Variants in OSBPL5 observed in about 807,000 individuals in gnomAD.
OSBPL5 encodes oxysterol binding protein like 5.
Under a neutral mutation model 111.2 loss-of-function variants are expected in OSBPL5, and 71 were observed. That is an observed-to-expected ratio of 0.64 (90% CI 0.53 to 0.78). OSBPL5 has a LOEUF of 0.78. Ranked by LOEUF, OSBPL5 falls within the 30% of genes least tolerant of loss-of-function variation. The pLI is 0.00. For missense variants in OSBPL5, 1,210 were observed against 1,189.3 expected, an observed-to-expected ratio of 1.02 and a Z score of -0.26; for synonymous variants, 549 against 513.9, an observed-to-expected ratio of 1.07 and a Z score of -0.93.
At chr11:3,133,345 G>A (rs1394117112) in intron 1 of OSBPL5, among the ~76,000 whole-genome samples, 1 of 152,244 alleles carries the variant, frequency 6.6e-6, no homozygotes, top group Non-Finnish European at 1.5e-5. Flanking sequence ...AAACAGACAC[G>A]CTGGCTGAGG....
intron 1 of OSBPL5, among the ~76,000 whole-genome samples, chr11:3,133,982 T>TC (rs555365902): frequency 2.3e-5 from 3 of 129,286 alleles, no homozygotes; most frequent in Non-Finnish European, 5.0e-5. Context: ...CGGGGCTTGG[T>TC]GGGGGGGGGG....
intron 14 of OSBPL5, 69 bp downstream of exon 14, chr11:3,100,089 G>A (rs1857400132): frequency 1.4e-6 from 2 of 1,384,182 alleles, no homozygotes. Context: ...AATAACCAAA[G>A]GGTTTTAGCA....
In OSBPL5 at chr11:3,142,227, G is replaced by T. The variant is rs901490761; in HGVS notation, c.-21-13058C>A. On this transcript the variant is annotated intron_variant, in intron 1 of 21. Coordinates refer to ENST00000263650, the MANE Select transcript of OSBPL5 (RefSeq NM_020896.4). This position sits in a 1 kb window ranked among gnomAD's most constrained non-coding sequence, Gnocchi z 7.1. ...AGCCACCGTGCCCGGCCGACAGCTG[G>T]TTTCTGAGGCCAAGAGAAGAAGCTG... Among the ~76,000 whole-genome samples the T allele has an allele frequency of 1.3e-5, 2 of 152,238 alleles. No homozygotes were observed. Among genetic ancestry groups the T allele is most frequent in the Non-Finnish European group, 2.9e-5 (2 of 68,040 alleles).
intron 1 of OSBPL5, among the ~76,000 whole-genome samples, chr11:3,134,327 T>A (rs1331785212): frequency 6.6e-6 from 1 of 152,114 alleles, no homozygotes; most frequent in East Asian, 1.9e-4. Flanking sequence ...CGACTTCCAT[T>A]GTTGGGGGTT....
At chr11:3,155,628 C>T (rs1846735346) in intron 1 of OSBPL5, among the ~76,000 whole-genome samples, 1 of 144,076 alleles carries the variant, frequency 6.9e-6, no homozygotes, top group African/African-American at 2.6e-5. Context: ...AGGTCTGCCA[C>T]TCACTCACCC....
rs112904220 is a variant in OSBPL5 at position 3,092,609 on chromosome 11, G to A, written c.2133-51C>T. On this transcript the variant is annotated intron_variant, in intron 18 of 21. Coordinates refer to ENST00000263650, the MANE Select transcript of OSBPL5 (RefSeq NM_020896.4). The surrounding 1 kb of genome is among the most constrained non-coding windows in gnomAD (Gnocchi z 5.4). ...AGCACAGGCAGTGGCCCTCAGGTGA[G>A]GGGGCTGTCCTGGCCCAGTCTTCAG... 5.0e-4 allele frequency: 762 copies of A among 1,517,916 alleles called. 3 individuals are homozygous for A. In the African/African-American group the frequency reaches 9.2e-3, roughly 18 times the overall value. 94.0% of individuals were successfully genotyped at this position (1,517,916 alleles called of 1,614,324 possible).
In OSBPL5 at chr11:3,110,116, A is replaced by G. The variant is rs1194006700; in HGVS notation, c.692-2171T>C. Among the ~76,000 whole-genome samples the G allele has an allele frequency of 1.3e-5, 2 of 152,166 alleles. No homozygotes were observed. Among genetic ancestry groups the G allele is most frequent in the Non-Finnish European group, 2.9e-5 (2 of 68,028 alleles). On this transcript the variant is annotated intron_variant, in intron 7 of 21. Transcript: ENST00000263650. The surrounding 1 kb of genome is among the most constrained non-coding windows in gnomAD (Gnocchi z 5.3). The stretch of plus-strand genomic sequence containing the variant: ...GCCCAGGAAGGAGCATGGATGTGGC[A>G]TCTGACCACCAGGGGTGATGTGGCA...
chr11:3,153,511 G>A (rs1479813324), intron 1 of OSBPL5, among the ~76,000 whole-genome samples: 2 of 152,152 alleles, frequency 1.3e-5, no homozygotes, highest in African/African-American at 4.8e-5. Context: ...ACAAATTCCT[G>A]GGGCTATTCC....
In OSBPL5 at chr11:3,119,527, G is replaced by T; in HGVS notation, c.691+20C>A. ...TCAGGTGGGGGCACTGGGGAGATGCGCAAGCTGGCAGGGACTCACCATCTG... is the reference window on the plus strand; with the variant it reads ...TCAGGTGGGGGCACTGGGGAGATGCTCAAGCTGGCAGGGACTCACCATCTG... On this transcript the variant is annotated intron_variant, in intron 7 of 21. Coordinates refer to ENST00000263650, the MANE Select transcript of OSBPL5 (RefSeq NM_020896.4). 6.4e-7 allele frequency: 1 copy of T among 1,561,798 alleles called. No homozygotes were observed.
rs996401169 is a variant in OSBPL5, at chr11:3,140,531, G to A, written c.-21-11362C>T. On this transcript the variant is annotated intron_variant, in intron 1 of 21. Transcript: ENST00000263650. The surrounding 1 kb of genome is among the most constrained non-coding windows in gnomAD (Gnocchi z 4.5). ...CCCACTTTCAACACTCCGTGAGCACGCAGGGCCTCCCCCAGCAGAGAGGGG... is the reference window on the plus strand; with the variant it reads ...CCCACTTTCAACACTCCGTGAGCACACAGGGCCTCCCCCAGCAGAGAGGGG... 6.6e-6 allele frequency among the ~76,000 whole-genome samples: 1 copy of A among 152,120 alleles called. No individual in the cohort carries two copies. The highest frequency in any genetic ancestry group is 1.5e-5 in the Non-Finnish European group (1 of 67,998).
rs1380367221 is a variant in OSBPL5 at position 3,154,140 on chromosome 11, G to C, written c.-22+11076C>G. Among the ~76,000 whole-genome samples the C allele has an allele frequency of 6.6e-6, 1 of 152,244 alleles. No individual in the cohort carries two copies. Among genetic ancestry groups the C allele is most frequent in the South Asian group, 2.1e-4 (1 of 4,836 alleles). ...GGAAAGGCCCCGTGTGGTGTCCAGAGAGCTGCTGTAGGAGGTGTTTGCTAG... is the reference window on the plus strand; with the variant it reads ...GGAAAGGCCCCGTGTGGTGTCCAGACAGCTGCTGTAGGAGGTGTTTGCTAG... On this transcript the variant is annotated intron_variant, in intron 1 of 21. Transcript: ENST00000263650. This position sits in a 1 kb window ranked among gnomAD's most constrained non-coding sequence, Gnocchi z 4.9.
rs373648427 is a variant in OSBPL5, at chr11:3,133,313, AAAG to A, written c.-21-4147_-21-4145del. Among the ~76,000 whole-genome samples, 493 of 152,338 alleles carry A rather than the reference AAAG, an allele frequency of 3.2e-3. 1 individual carries two copies. The highest frequency in any genetic ancestry group is 0.011 in the African/African-American group (467 of 41,574). ...CCCCCATGAGGGGAGGGAGAGAAGG[AAAG>A]AAGGATGGGTCGACAAGGAAACAGA... is the stretch of plus-strand genomic sequence containing the variant. On this transcript the variant is annotated intron_variant, in intron 1 of 21. Transcript: ENST00000263650.
At chr11:3,151,023 G>A (rs541261346) in intron 1 of OSBPL5, among the ~76,000 whole-genome samples, 26 of 152,290 alleles carry the variant, frequency 1.7e-4, no homozygotes, top group African/African-American at 6.3e-4. Context: ...CTTGGAAAGA[G>A]GGTCACTGTA....
chr11:3,122,472 G>C (rs745524054), intron 3 of OSBPL5, 44 bp from the exon 4 acceptor site: 1 of 1,587,434 alleles, frequency 6.3e-7, no homozygotes, highest in Non-Finnish European at 8.6e-7. Flanking sequence ...ACAGGGGCCG[G>C]CCCAGGGCTA....
intron 11 of OSBPL5, among the ~76,000 whole-genome samples, chr11:3,102,793 C>G (rs1857502798): frequency 6.6e-6 from 1 of 152,196 alleles, no homozygotes; most frequent in Non-Finnish European, 1.5e-5. Flanking sequence ...GGCCCTCTTG[C>G]TCACTACAAC....
chr11:3,148,098 G>A (rs1404593694), intron 1 of OSBPL5, among the ~76,000 whole-genome samples: 3 of 152,196 alleles, frequency 2.0e-5, no homozygotes, highest in East Asian at 1.9e-4. Context: ...CCCAGTGCCC[G>A]AACATGGAGT....
In OSBPL5 at chr11:3,103,819, CGCAGCCCCCTTCCAGCCTCT is replaced by C. The variant is rs1228791581; in HGVS notation, c.1244+354_1244+373del. Among the ~76,000 whole-genome samples, 3 of 44,010 alleles carry C rather than the reference CGCAGCCCCCTTCCAGCCTCT, an allele frequency of 6.8e-5. 1 individual carries two copies. In the East Asian group the frequency reaches 5.7e-3, roughly 83 times the overall value. 28.9% of individuals were successfully genotyped at this position (44,010 alleles called of 152,430 possible). On this transcript the variant is annotated intron_variant, in intron 10 of 21. Transcript: ENST00000263650. ...GCCTCTGCAGCCCTCTTCCTGCCTGCGCAGCCCCCTTCCAGCCTCTGCAGCCCCTTTCCAGTCTGCGCAGC... is the reference window on the plus strand; with the variant it reads ...GCCTCTGCAGCCCTCTTCCTGCCTGCGCAGCCCCTTTCCAGTCTGCGCAGC...
In OSBPL5 at chr11:3,107,934, G is replaced by T; in HGVS notation, c.703C>A (p.Leu235Met). 6.3e-7 allele frequency: 1 copy of T among 1,599,288 alleles called. No homozygotes were observed. The change falls in exon 8 of 22, where the codon CTG (leucine) becomes ATG (methionine). Residue 235 changes from leucine (L) to methionine (M), a missense_variant. Physicochemically the swap from Leu to Met is conservative, Grantham distance 15 (BLOSUM62 2). Transcript: ENST00000263650. The surrounding 1 kb of genome is among the most constrained non-coding windows in gnomAD (Gnocchi z 6.1). ...CGCAGGGCCAGCTCCAGGGCGTCCA[G>T]CCAGCAGCGACCTGCGGGGCACACG... ...AASESDGRCW[L>M]DALELALRCS...
At position 3,154,866 on chromosome 11, in the gene OSBPL5, G is replaced by A. The variant is rs142340590; in HGVS notation, c.-22+10350C>T. Among the ~76,000 whole-genome samples the A allele has an allele frequency of 0.015, 2,322 of 152,176 alleles. 65 individuals carry two copies. The highest frequency in any genetic ancestry group is 0.053 in the African/African-American group (2,217 of 41,474). On this transcript the variant is annotated intron_variant, in intron 1 of 21. Transcript: ENST00000263650. This position sits in a 1 kb window ranked among gnomAD's most constrained non-coding sequence, Gnocchi z 4.9. ...ACCAACATGGCACATGTATACATAT[G>A]TAACAAACCTGCACGTTGTGCACAT... is the stretch of plus-strand genomic sequence containing the variant.
Sources: gnomAD v4.1 joint callset for allele counts (sites outside exome capture counted in the v4.1 genomes callset) on GRCh38, gnomAD v4.1.1 for gene constraint, Gnocchi (gnomAD v3.1) non-coding constraint, MANE v1.5 for transcripts, NCBI Gene and HGNC (gene_info 2026-07-23, HGNC 2026-07-21) for gene names.